The following EVL variants were observed in gnomAD, a reference collection of about 807,000 sequenced individuals.
EVL encodes the protein Enah/Vasp-like, also known as ena/VASP-like protein.
In EVL, 21 loss-of-function variants were observed where a neutral mutation model predicts 59.6. That is an observed-to-expected ratio of 0.35 (90% confidence interval 0.25 to 0.51). The LOEUF (loss-of-function observed/expected upper bound fraction) is 0.51. Ranked by LOEUF, EVL falls within the 20% of genes least tolerant of loss-of-function variation. The probability of loss-of-function intolerance (pLI) is 0.97; values close to 1 mark genes in which losing one functional copy is unlikely to be tolerated. For missense variants in EVL, 462 were observed against 546.6 expected, an observed-to-expected ratio of 0.85 and a Z score of 1.54; for synonymous variants, 198 against 203.5, an observed-to-expected ratio of 0.97 and a Z score of 0.23.
chr14:100,103,181 C>A, intron 3 of EVL, among the ~76,000 whole-genome samples: 1 of 141,312 alleles, frequency 7.1e-6, no homozygotes, highest in African/African-American at 2.9e-5. Flanking sequence ...TTATATTTTC[C>A]CAGAGAGTTT....
chr14:100,073,559 G>C (rs1473626545), intron 1 of EVL, among the ~76,000 whole-genome samples: 2 of 152,030 alleles, frequency 1.3e-5, no homozygotes, highest in African/African-American at 4.8e-5. Flanking sequence ...GGCTCAAGCT[G>C]TCCTCCCACC....
intron 2 of EVL, among the ~76,000 whole-genome samples, chr14:100,085,406 G>C (rs1038011187): frequency 6.6e-6 from 1 of 152,170 alleles, no homozygotes; most frequent in Non-Finnish European, 1.5e-5. Context: ...TCATATACAC[G>C]TAATTAATGG....
Position 100,144,094 on chromosome 14 carries a change from T to C in EVL, c.*356T>C, listed in dbSNP as rs971824953. The C allele has an allele frequency of 1.2e-5, 4 of 341,582 alleles. No individual in the cohort carries two copies. The highest frequency in any genetic ancestry group is 4.3e-5 in the African/African-American group (2 of 46,798). The allele number at this position is 341,582 out of a possible 1,614,324, so 21.2% of individuals were successfully genotyped here. A position where few individuals can be genotyped will look rare whatever the true frequency, so the allele number is the denominator to read the frequency against. On this transcript the variant is annotated 3_prime_UTR_variant, in exon 14 of 14. Coordinates refer to ENST00000392920, the MANE Select transcript of EVL (RefSeq NM_016337.3). ...ACGCTGTTAGCGCCTCAGCTGGCGG[T>C]GACAGCCGGCCCAGCGTGGCGCCAC...
intron 1 of EVL, among the ~76,000 whole-genome samples, chr14:100,044,178 A>G (rs1282658838): frequency 2.0e-5 from 3 of 152,160 alleles, no homozygotes; most frequent in African/African-American, 7.2e-5. Context: ...TTATAATAGT[A>G]TTACAGTGTG....
chr14:100,031,576 A>G (rs74084445), intron 1 of EVL, among the ~76,000 whole-genome samples: 8,154 of 152,210 alleles, frequency 0.054, 780 homozygotes, highest in African/African-American at 0.19. Flanking sequence ...ACAGACTACA[A>G]TGTTTGATCT....
chr14:100,005,215 GAAATA>G (rs1222083162), intron 1 of EVL, among the ~76,000 whole-genome samples: 1 of 152,164 alleles, frequency 6.6e-6, no homozygotes, highest in Non-Finnish European at 1.5e-5. Flanking sequence ...TTATAGTTTT[GAAATA>G]AAGACAACAG....
intron 1 of EVL, among the ~76,000 whole-genome samples, chr14:100,035,378 G>A (rs2061373545): frequency 6.6e-6 from 1 of 150,708 alleles, no homozygotes. Context: ...CCCTCAGATG[G>A]GGCCATCTGT....
At position 100,057,499 on chromosome 14, in the gene EVL, GT is replaced by G. The variant is rs569186758; in HGVS notation, c.6-27178del. Reference sequence around the variant, plus strand: ...TCATCAGAAAAATGATTTGGAGTTTGTTTTTTTTTTAATCTGAGTTTGTTGT... The same window carrying G: ...TCATCAGAAAAATGATTTGGAGTTTGTTTTTTTTTAATCTGAGTTTGTTGT... On this transcript the variant is annotated intron_variant, in intron 1 of 13. Transcript: ENST00000402714. Among the ~76,000 whole-genome samples, 9 of 148,420 alleles carry G rather than the reference GT, an allele frequency of 6.1e-5. No homozygotes were observed. In the South Asian group the frequency reaches 8.6e-4, roughly 14 times the overall value.
chr14:99,976,973 A>G (rs1359789296), intron 1 of EVL: 1 of 150,550 alleles, frequency 6.6e-6, no homozygotes, highest in Non-Finnish European at 1.5e-5. Context: ...TTCTTTTTAG[A>G]TGGAGGATTG....
intron 2 of EVL, among the ~76,000 whole-genome samples, chr14:100,091,640 A>AT (rs1386548791): frequency 6.6e-6 from 1 of 152,096 alleles, no homozygotes; most frequent in Non-Finnish European, 1.5e-5. Flanking sequence ...AGCCTTTCTT[A>AT]TGCCCTTTAT....
chr14:100,130,170 G>T lies in EVL; in HGVS notation c.839+486G>T, dbSNP rs1888342111. 6.6e-6 allele frequency among the ~76,000 whole-genome samples: 1 copy of T among 152,198 alleles called. No individual in the cohort carries two copies. The highest frequency in any genetic ancestry group is 2.4e-5 in the African/African-American group (1 of 41,460). ...AGGAGCCCAGAGGGCATTGCCCTGA[G>T]CGACGGAGAGAGAGTAGTTCCATCT... is the stretch of plus-strand genomic sequence containing the variant. On this transcript the variant is annotated intron_variant, in intron 7 of 13. Transcript: ENST00000392920. This position sits in a 1 kb window ranked among gnomAD's most constrained non-coding sequence, Gnocchi z 4.8.
intron 1 of EVL, among the ~76,000 whole-genome samples, chr14:100,047,437 A>G (rs1038184697): frequency 2.0e-5 from 3 of 152,122 alleles, no homozygotes; most frequent in Non-Finnish European, 2.9e-5. Flanking sequence ...GGGATCACAC[A>G]GAAGGATCCG....
At position 100,084,786 on chromosome 14, in the gene EVL, G is replaced by C. The variant is rs1392151362; in HGVS notation, c.111G>C (p.Arg37=). Reference sequence around the variant, plus strand: ...AACCTGGCCAGCAGGGATTCAGCCGGATCAACATCTACCACAACACTGCCA... The same window carrying C: ...AACCTGGCCAGCAGGGATTCAGCCGCATCAACATCTACCACAACACTGCCA... ...PIKPGQQGFS[R]INIYHNTASN... The change falls in exon 2 of 14, where the codon CGG becomes CGC. Residue 37 remains arginine (R), a synonymous_variant. Transcript: ENST00000392920. 5.0e-6 allele frequency: 8 copies of C among 1,614,046 alleles called. No individual in the cohort carries two copies. Among genetic ancestry groups the C allele is most frequent in the Non-Finnish European group, 6.8e-6 (8 of 1,180,052 alleles).
At chr14:100,086,726 G>T (rs1346506572) in intron 2 of EVL, among the ~76,000 whole-genome samples, 1 of 152,202 alleles carries the variant, frequency 6.6e-6, no homozygotes, top group African/African-American at 2.4e-5. Flanking sequence ...TTTAAATTTG[G>T]AGGGCTGTGT....
At chr14:99,998,212 G>A (rs1331287422) in intron 1 of EVL, among the ~76,000 whole-genome samples, 1 of 151,886 alleles carries the variant, frequency 6.6e-6, no homozygotes, top group African/African-American at 2.4e-5. Flanking sequence ...TAGAACCATG[G>A]ACTTACTGTG....
chr14:99,981,918 G>A (rs1033822276), intron 1 of EVL, among the ~76,000 whole-genome samples: 3 of 152,218 alleles, frequency 2.0e-5, no homozygotes, highest in Non-Finnish European at 4.4e-5. Flanking sequence ...GTCTGGATAA[G>A]CTTGATGAAG....
At chr14:100,092,162 C>G (rs1296436409) in intron 2 of EVL, among the ~76,000 whole-genome samples, 1 of 151,602 alleles carries the variant, frequency 6.6e-6, no homozygotes. Flanking sequence ...GGATCCCTTG[C>G]GCCCAGGAGT....
chr14:100,073,819 G>A (rs1011794817), intron 1 of EVL, among the ~76,000 whole-genome samples: 3 of 152,128 alleles, frequency 2.0e-5, no homozygotes, highest in African/African-American at 7.2e-5. Context: ...AGTTACTAGA[G>A]CTACCGAGAT....
intron 1 of EVL, among the ~76,000 whole-genome samples, chr14:100,081,837 C>T (rs1371302980): frequency 1.2e-4 from 19 of 152,218 alleles, no homozygotes; most frequent in Admixed American, 1.0e-3. Flanking sequence ...CAGTGGCTCA[C>T]GCCTGTAATC....
Sources: allele counts gnomAD v4.1 joint callset (sites outside exome capture counted in the v4.1 genomes callset), GRCh38; gene constraint gnomAD v4.1.1; non-coding constraint Gnocchi (gnomAD v3.1); transcripts MANE v1.5; gene names NCBI Gene and HGNC (gene_info 2026-07-23, HGNC 2026-07-21).